CSMD2: variants seen among roughly 807,000 people sequenced by gnomAD.
CSMD2 encodes CUB and sushi domain-containing protein 2.
In CSMD2, 130 loss-of-function variants were observed where a neutral mutation model predicts 398.5. The observed-to-expected ratio is 0.33, with a 90% CI of 0.28 to 0.38. CSMD2 has a LOEUF of 0.38. Ranked by LOEUF, CSMD2 falls within the 10% of genes least tolerant of loss-of-function variation. CSMD2 has a pLI of 1.00. For missense variants in CSMD2, 3,829 were observed against 4,764.9 expected (o/e 0.80, Z 5.78); for synonymous variants, 1,828 against 1,908.5 (o/e 0.96, Z 1.10).
At chr1:33,958,786 A>G (rs949414826) in intron 3 of CSMD2, among the ~76,000 whole-genome samples, 39 of 152,332 alleles carry the variant, frequency 2.6e-4, no homozygotes, top group African/African-American at 9.4e-4. Flanking sequence ...TTAGTAGAGA[A>G]CTTAGTTCAG....
At chr1:33,919,343 G>T (rs1193778488) in intron 4 of CSMD2, among the ~76,000 whole-genome samples, 1 of 152,182 alleles carries the variant, frequency 6.6e-6, no homozygotes, top group Non-Finnish European at 1.5e-5. Context: ...ACGCAGAAGT[G>T]GGTATGTCTG....
intron 3 of CSMD2, among the ~76,000 whole-genome samples, chr1:34,006,283 A>G (rs10914835): frequency 0.086 from 13,053 of 152,120 alleles, 1,108 homozygotes; most frequent in East Asian, 0.39. Flanking sequence ...TCTTGCCTAG[A>G]GGATGGGGAT....
intron 12 of CSMD2, among the ~76,000 whole-genome samples, chr1:33,777,866 C>A (rs961198827): frequency 6.6e-6 from 1 of 152,140 alleles, no homozygotes; most frequent in Non-Finnish European, 1.5e-5. Flanking sequence ...AAATTGGAAT[C>A]GTCTTTTATG....
In CSMD2 at chr1:33,743,575, A is replaced by G. The variant is rs146205054; in HGVS notation, c.1878T>C (p.Ser626=). 7.8e-5 allele frequency: 125 copies of G among 1,606,460 alleles called. No homozygotes were observed. The African/African-American group carries it at 1.5e-3, about 19-fold the overall frequency. Residue 626 remains serine, a synonymous_variant, in exon 14 of 71, where the codon TCT becomes TCC. Transcript: ENST00000373381. ...GGTAGTTGGGAGACAGGACAACCCC[A>G]GACGGGCTGGTGAAGTTGAAGAAGC... ...FSCFFNFTSP[S]GVVLSPNYPE... is the part of the protein sequence containing the mutation.
At chr1:33,915,510 T>C (rs1010672871) in intron 5 of CSMD2, among the ~76,000 whole-genome samples, 1 of 152,200 alleles carries the variant, frequency 6.6e-6, no homozygotes, top group Non-Finnish European at 1.5e-5. Flanking sequence ...CCCCTAATAA[T>C]TTCCTCTGCT....
chr1:33,986,265 T>A (rs1646356105), intron 3 of CSMD2, among the ~76,000 whole-genome samples: 1 of 152,132 alleles, frequency 6.6e-6, no homozygotes, highest in Admixed American at 6.5e-5. Flanking sequence ...CTACCTCTAC[T>A]CTCTCAATCC....
At chr1:33,643,787 G>A (rs1305201712) in intron 29 of CSMD2, among the ~76,000 whole-genome samples, 1 of 152,082 alleles carries the variant, frequency 6.6e-6, no homozygotes, top group Non-Finnish European at 1.5e-5. Context: ...CAGACCAGAG[G>A]GTAAGGTAGG....
chr1:33,527,867 G>T (rs10798960), intron 64 of CSMD2, among the ~76,000 whole-genome samples: 5 of 150,610 alleles, frequency 3.3e-5, no homozygotes, highest in African/African-American at 7.4e-5. Flanking sequence ...TGTGAACCTG[G>T]GAGGCGGAGC....
chr1:33,757,256 AT>A (rs1486705770), intron 13 of CSMD2, among the ~76,000 whole-genome samples: 5 of 152,266 alleles, frequency 3.3e-5, no homozygotes, highest in Non-Finnish European at 5.9e-5. Context: ...ATGTATACAT[AT>A]GTAACTAACC....
intron 62 of CSMD2, 31 bp downstream of exon 62, chr1:33,536,991 A>G: frequency 3.1e-6 from 5 of 1,594,878 alleles, no homozygotes; most frequent in Non-Finnish European, 3.4e-6. Flanking sequence ...GATAGGATGT[A>G]GGAAGACCCT....
intron 13 of CSMD2, 100 bp downstream of exon 13, chr1:33,772,469 A>C: frequency 3.9e-6 from 4 of 1,029,160 alleles, no homozygotes; most frequent in Non-Finnish European, 5.8e-6. Context: ...TGTTGTTACA[A>C]CCTGCAAGGT....
At chr1:33,729,755 G>A (rs1332560077) in intron 15 of CSMD2, among the ~76,000 whole-genome samples, 1 of 152,052 alleles carries the variant, frequency 6.6e-6, no homozygotes, top group East Asian at 1.9e-4. Context: ...CATATTAAAA[G>A]CACAGTGAAA....
intron 6 of CSMD2, among the ~76,000 whole-genome samples, chr1:33,843,151 G>A (rs1402443333): frequency 1.3e-5 from 2 of 152,176 alleles, no homozygotes; most frequent in African/African-American, 4.8e-5. Flanking sequence ...TTCTCCTTAA[G>A]AGCAGAGATT....
chr1:33,870,461 C>A (rs1640379120), intron 5 of CSMD2: 1 of 152,180 alleles, frequency 6.6e-6, no homozygotes, highest in South Asian at 2.1e-4. Flanking sequence ...ACCAGTGACA[C>A]AATGAACATT....
At chr1:33,814,934 C>G (rs951514309) in intron 9 of CSMD2, among the ~76,000 whole-genome samples, 7 of 152,110 alleles carry the variant, frequency 4.6e-5, no homozygotes, top group Non-Finnish European at 2.9e-5. Flanking sequence ...ACTATCCAGT[C>G]TGGACCTCAA....
At chr1:33,807,753 T>C (rs1656388977) in intron 10 of CSMD2, among the ~76,000 whole-genome samples, 1 of 152,180 alleles carries the variant, frequency 6.6e-6, no homozygotes, top group African/African-American at 2.4e-5. Flanking sequence ...AGTAGGCATA[T>C]TGCTATTTCT....
chr1:33,809,281 A>ATC (rs151137906), intron 10 of CSMD2, among the ~76,000 whole-genome samples: 1 of 151,272 alleles, frequency 6.6e-6, no homozygotes, highest in Non-Finnish European at 1.5e-5. Flanking sequence ...ATTACTAAAC[A>ATC]ATATATAGGC....
At chr1:33,743,698 A>AGTGGTG in intron 13 of CSMD2, 92 bp from the exon 14 acceptor site, 2 of 929,798 alleles carry the variant, frequency 2.2e-6, no homozygotes, top group East Asian at 5.2e-5. Flanking sequence ...TCTTAGTCTA[A>AGTGGTG]AAAGCAACAG....
At chr1:33,552,208 C>A in intron 55 of CSMD2, among the ~76,000 whole-genome samples, 1 of 152,194 alleles carries the variant, frequency 6.6e-6, no homozygotes, top group East Asian at 1.9e-4. Context: ...AATGAGATAG[C>A]ACTTTGCATC....
Sources: allele counts gnomAD v4.1 joint callset (sites outside exome capture counted in the v4.1 genomes callset), GRCh38; gene constraint gnomAD v4.1.1; transcripts MANE v1.5; gene names NCBI Gene and HGNC (gene_info 2026-07-23, HGNC 2026-07-21).